The following CDH4 variants were observed in gnomAD, a reference collection of about 807,000 sequenced individuals.
The protein encoded by CDH4 is cadherin-4.
CDH4 carries 33 observed loss-of-function variants against 86.0 expected under a neutral mutation model. The observed-to-expected ratio is 0.38, with a 90% CI of 0.29 to 0.51. CDH4 has a LOEUF of 0.51. Ranked by LOEUF, CDH4 falls within the 20% of genes least tolerant of loss-of-function variation. The probability of loss-of-function intolerance (pLI) is 0.86; values close to 1 mark genes in which losing one functional copy is unlikely to be tolerated. For synonymous variants in CDH4, 555 were observed against 549.4 expected (o/e 1.01, Z -0.14); for missense variants, 1,114 against 1,307.4 (o/e 0.85, Z 2.28).
At position 61,689,815 on chromosome 20, in the gene CDH4, T is replaced by G. The variant is rs949458019; in HGVS notation, c.170-53748T>G. ...TGTGGAATAGGGCTGGGACAGTGGTTGGTGAGGTGATGTGGAATTGAGCTG... is the reference window on the plus strand; with the variant it reads ...TGTGGAATAGGGCTGGGACAGTGGTGGGTGAGGTGATGTGGAATTGAGCTG... On this transcript the variant is annotated intron_variant, in intron 2 of 15. Transcript: ENST00000614565. Among the ~76,000 whole-genome samples, 6 of 142,038 alleles carry G rather than the reference T, an allele frequency of 4.2e-5. 1 individual carries two copies. Among genetic ancestry groups the G allele is most frequent in the Admixed American group, 6.9e-5 (1 of 14,510 alleles). 93.2% of individuals were successfully genotyped at this position (142,038 alleles called of 152,430 possible).
rs577647078 is a variant in CDH4 at position 61,562,520 on chromosome 20, G to C, written c.170-181043G>C. On this transcript the variant is annotated intron_variant, in intron 2 of 15. Coordinates refer to ENST00000614565, the MANE Select transcript of CDH4 (RefSeq NM_001794.5). ...AGGACAGTCATTGCCTGGGAAACTG[G>C]GGGGATTGGTCCGAACCCACCTTGT... is the stretch of plus-strand genomic sequence containing the variant. Among the ~76,000 whole-genome samples, 7 of 152,300 alleles carry C rather than the reference G, an allele frequency of 4.6e-5. No individual in the cohort carries two copies. The East Asian group carries it at 1.4e-3, about 29-fold the overall frequency.
intron 2 of CDH4, among the ~76,000 whole-genome samples, chr20:61,325,836 C>A (rs1203303225): frequency 1.3e-5 from 2 of 152,186 alleles, no homozygotes; most frequent in Admixed American, 6.5e-5. Flanking sequence ...TAGAAAATTT[C>A]TTGAAAACCC....
chr20:61,674,802 C>T (rs973560156), intron 2 of CDH4, among the ~76,000 whole-genome samples: 11 of 152,208 alleles, frequency 7.2e-5, no homozygotes, highest in African/African-American at 2.7e-4. Flanking sequence ...CCAGTTAGAA[C>T]CAGCACAGCC....
intron 6 of CDH4, among the ~76,000 whole-genome samples, chr20:61,855,051 C>T (rs545480220): frequency 1.1e-4 from 14 of 131,488 alleles, no homozygotes; most frequent in African/African-American, 3.6e-4. Flanking sequence ...TGAATTGTGC[C>T]CTTGGCCCAC....
intron 2 of CDH4, among the ~76,000 whole-genome samples, chr20:61,609,802 A>G (rs2086671310): frequency 6.6e-6 from 1 of 151,938 alleles, no homozygotes; most frequent in African/African-American, 2.4e-5. Context: ...CGAATTCTCC[A>G]CTCACATCCT....
chr20:61,566,445 A>G (rs1281904475), intron 2 of CDH4, among the ~76,000 whole-genome samples: 1 of 152,148 alleles, frequency 6.6e-6, no homozygotes. Flanking sequence ...CCTATTTACC[A>G]CGAGCCGGAG....
intron 1 of CDH4, 24 bp from the exon 2 acceptor site, chr20:61,254,802 A>G: frequency 7.4e-7 from 1 of 1,348,210 alleles, no homozygotes; most frequent in Non-Finnish European, 1.1e-6. Flanking sequence ...TTATTGTTTT[A>G]CACTCTCCCC....
chr20:61,385,989 TG>T (rs1318024751), intron 2 of CDH4, among the ~76,000 whole-genome samples: 2 of 152,286 alleles, frequency 1.3e-5, no homozygotes, highest in East Asian at 3.9e-4. Flanking sequence ...GAGCCACAGT[TG>T]TCCTAGCGCC....
intron 4 of CDH4, among the ~76,000 whole-genome samples, chr20:61,775,841 G>A (rs1193482772): frequency 6.6e-6 from 1 of 152,174 alleles, no homozygotes; most frequent in Non-Finnish European, 1.5e-5. Context: ...TTCTCAGCCT[G>A]ATGATCTAGG....
chr20:61,522,597 T>G (rs1333510664), intron 2 of CDH4, among the ~76,000 whole-genome samples: 3 of 152,272 alleles, frequency 2.0e-5, no homozygotes, highest in African/African-American at 7.2e-5. Context: ...GGTAATTTGT[T>G]TTTATTAATT....
intron 2 of CDH4, among the ~76,000 whole-genome samples, chr20:61,304,429 G>A (rs760836595): frequency 2.0e-5 from 3 of 152,080 alleles, no homozygotes; most frequent in Non-Finnish European, 4.4e-5. Flanking sequence ...GGTCTGCGTG[G>A]TTGGCTTCTC....
At chr20:61,683,376 A>G (rs571881070) in intron 2 of CDH4, among the ~76,000 whole-genome samples, 2 of 152,376 alleles carry the variant, frequency 1.3e-5, no homozygotes, top group South Asian at 4.1e-4. Context: ...GAAAGTCTCC[A>G]GCAAAATCTA....
intron 2 of CDH4, among the ~76,000 whole-genome samples, chr20:61,467,851 A>G (rs760771275): frequency 4.6e-5 from 7 of 152,188 alleles, no homozygotes; most frequent in Admixed American, 3.3e-4. Context: ...ATAATTCTCT[A>G]GGAGGACTCA....
At position 61,934,011 on chromosome 20, in the gene CDH4, C is replaced by T. The variant is rs73917154; in HGVS notation, c.2380-45C>T. 1.5e-3 allele frequency: 2,336 copies of T among 1,600,296 alleles called. 31 individuals are homozygous for T. The African/African-American group carries it at 0.027, about 18-fold the overall frequency. ...GGATGCAGGGTGGAAGGGGGGCTGG[C>T]GGATTCTTCTGATGCCCCTGACTCC... On this transcript the variant is annotated intron_variant, in intron 14 of 15. Transcript: ENST00000614565.
rs1253121879 is a variant in CDH4 at position 61,708,755 on chromosome 20, C to T, written c.170-34808C>T. ...AGGCGGCGCTGCCTCTGCGGAGGCC[C>T]CTTCTCTGAGTGTGCATCATGGACG... On this transcript the variant is annotated intron_variant, in intron 2 of 15. Coordinates refer to ENST00000614565, the MANE Select transcript of CDH4 (RefSeq NM_001794.5). The surrounding 1 kb of genome is among the most constrained non-coding windows in gnomAD (Gnocchi z 4.5). Among the ~76,000 whole-genome samples, 1 of 152,174 alleles carries T rather than the reference C, an allele frequency of 6.6e-6. No individual in the cohort carries two copies. Among genetic ancestry groups the T allele is most frequent in the Non-Finnish European group, 1.5e-5 (1 of 68,036 alleles).
At chr20:61,881,013 AC>A (rs760634605) in intron 7 of CDH4, among the ~76,000 whole-genome samples, 1 of 152,058 alleles carries the variant, frequency 6.6e-6, no homozygotes, top group Non-Finnish European at 1.5e-5. Flanking sequence ...GGCCCAGGTG[AC>A]CCCCAACCAA....
chr20:61,916,610 A>G (rs1246336578), intron 9 of CDH4, among the ~76,000 whole-genome samples: 1 of 152,168 alleles, frequency 6.6e-6, no homozygotes, highest in Non-Finnish European at 1.5e-5. Context: ...CTCCCTGCTT[A>G]GTTCCCCAGA....
At chr20:61,734,318 G>T (rs2145929806) in intron 2 of CDH4, among the ~76,000 whole-genome samples, 1 of 152,360 alleles carries the variant, frequency 6.6e-6, no homozygotes, top group South Asian at 2.1e-4. Context: ...GTAATCCTCG[G>T]AGTTCAGAAC....
At chr20:61,503,378 T>C (rs2085718380) in intron 2 of CDH4, among the ~76,000 whole-genome samples, 1 of 151,874 alleles carries the variant, frequency 6.6e-6, no homozygotes, top group Admixed American at 6.6e-5. Context: ...CAAGGGAAAA[T>C]AGGAAAAGGG....
Sources: gnomAD v4.1 joint callset for allele counts (sites outside exome capture counted in the v4.1 genomes callset) on GRCh38, gnomAD v4.1.1 for gene constraint, Gnocchi (gnomAD v3.1) non-coding constraint, MANE v1.5 for transcripts, NCBI Gene and HGNC (gene_info 2026-07-23, HGNC 2026-07-21) for gene names.